NEK4: variants seen among roughly 807,000 people sequenced by gnomAD.
NEK4 encodes serine/threonine-protein kinase Nek4.
In NEK4, 86 loss-of-function variants were observed where a neutral mutation model predicts 98.4. The observed-to-expected ratio is 0.87, with a 90% CI of 0.73 to 1.05. The LOEUF is 1.05. NEK4 is among the 50% of genes least tolerant of loss of function. The pLI, the probability that NEK4 is intolerant of heterozygous loss-of-function variation, is 0.00. For synonymous variants in NEK4, 328 were observed against 342.2 expected (o/e 0.96, Z 0.46); for missense variants, 898 against 950.3 (o/e 0.94, Z 0.72).
At chr3:52,747,454 C>CAAAAAAAAAA (rs80245076) in intron 8 of NEK4, 2 of 68,902 alleles carry the variant, frequency 2.9e-5, no homozygotes, top group African/African-American at 5.5e-5. Flanking sequence ...GACTCCATCT[C>CAAAAAAAAAA]AAAAAAAAAA....
At chr3:52,766,451 T>A in intron 2 of NEK4, 76 bp from the exon 3 acceptor site, 1 of 1,046,322 alleles carries the variant, frequency 9.6e-7, no homozygotes, top group Non-Finnish European at 1.4e-6. Context: ...TTATATACCA[T>A]CAGCAATGGC....
intron 6 of NEK4, among the ~76,000 whole-genome samples, chr3:52,754,999 G>C (rs1376112352): frequency 6.6e-6 from 1 of 151,024 alleles, no homozygotes; most frequent in South Asian, 2.1e-4. Context: ...GCGTGAACCC[G>C]GGAGGCAGAG....
At chr3:52,732,859 A>G (rs1157810374) in intron 15 of NEK4, 1 of 231,686 alleles carries the variant, frequency 4.3e-6, no homozygotes, top group African/African-American at 2.3e-5. Flanking sequence ...GTACATTGGG[A>G]AGTAATACAG....
chr3:52,766,810 C>A (rs990860870), intron 2 of NEK4, among the ~76,000 whole-genome samples: 1 of 151,896 alleles, frequency 6.6e-6, no homozygotes, highest in African/African-American at 2.4e-5. Context: ...CAAGGTGAAA[C>A]CCCGTCTCTA....
intron 15 of NEK4, among the ~76,000 whole-genome samples, chr3:52,720,729 T>C (rs902231313): frequency 6.6e-6 from 1 of 152,204 alleles, no homozygotes; most frequent in African/African-American, 2.4e-5. Context: ...GCAGAGAATG[T>C]GTGGCTAGCA....
At chr3:52,738,362 C>G (rs189261578) in intron 14 of NEK4, among the ~76,000 whole-genome samples, 1 of 151,362 alleles carries the variant, frequency 6.6e-6, no homozygotes, top group African/African-American at 2.4e-5. Flanking sequence ...CTTGGCCTCC[C>G]AAAGCAATGA....
chr3:52,733,426 C>A (rs1328075078), intron 15 of NEK4: 2 of 381,964 alleles, frequency 5.2e-6, no homozygotes, highest in Non-Finnish European at 5.1e-6. Context: ...ATCTTGTAAT[C>A]CATTCTGGAG....
chr3:52,735,590 A>G (rs1001675605), intron 15 of NEK4, among the ~76,000 whole-genome samples: 1 of 152,192 alleles, frequency 6.6e-6, no homozygotes, highest in African/African-American at 2.4e-5. Flanking sequence ...TTTTGATCCA[A>G]TGTATGAGAT....
intron 15 of NEK4, among the ~76,000 whole-genome samples, chr3:52,721,818 A>C (rs1381672956): frequency 2.0e-5 from 3 of 152,078 alleles, no homozygotes; most frequent in Non-Finnish European, 4.4e-5. Context: ...GAAAACACAG[A>C]TTCAGACATG....
At position 52,759,067 on chromosome 3, in the gene NEK4, C is replaced by T. The variant is rs533643453; in HGVS notation, c.963+1728G>A. 1.0e-4 allele frequency among the ~76,000 whole-genome samples: 15 copies of T among 144,584 alleles called. No individual in the cohort carries two copies. The East Asian group carries it at 2.2e-3, about 22-fold the overall frequency. 94.9% of individuals were successfully genotyped at this position (144,584 alleles called of 152,430 possible). A position where few individuals can be genotyped will look rare whatever the true frequency, so the allele number is the denominator to read the frequency against. On this transcript the variant is annotated intron_variant, in intron 6 of 15. Transcript: ENST00000233027. ...GATGATGCCACTATACTCCAGCCTACGTAACAGAGCAAGATCCTCTCTTAA... is the reference window on the plus strand; with the variant it reads ...GATGATGCCACTATACTCCAGCCTATGTAACAGAGCAAGATCCTCTCTTAA...
At chr3:52,756,326 C>A (rs1384667171) in intron 6 of NEK4, among the ~76,000 whole-genome samples, 4 of 152,166 alleles carry the variant, frequency 2.6e-5, no homozygotes, top group Non-Finnish European at 4.4e-5. Context: ...ATGGAGGACT[C>A]ATGCCTCATG....
At position 52,743,414 on chromosome 3, in the gene NEK4, G is replaced by A. The variant is rs2097390077; in HGVS notation, c.1942C>T (p.Pro648Ser). ...GGCAAGGGCTGGTCTTCTTCCTGGG[G>A]TTTTCCTGGCCCTGCTACACTCAGA... ...ASLSVAGPGKPQEEDQPLPAR... is the reference protein window; with the variant it reads ...ASLSVAGPGKSQEEDQPLPAR... Residue 648 changes from proline (P) to serine (S), a missense_variant, in exon 12 of 16, where the codon CCC becomes TCC. Coordinates refer to ENST00000233027, the MANE Select transcript of NEK4 (RefSeq NM_003157.6). The A allele has an allele frequency of 2.5e-6, 4 of 1,614,018 alleles. No homozygotes were observed. Among genetic ancestry groups the A allele is most frequent in the Non-Finnish European group, 3.4e-6 (4 of 1,180,040 alleles).
At chr3:52,755,829 C>T (rs924823015) in intron 6 of NEK4, among the ~76,000 whole-genome samples, 80 of 152,218 alleles carry the variant, frequency 5.3e-4, no homozygotes, top group African/African-American at 1.2e-3. Context: ...AACTAATAAA[C>T]GAACTGAGCA....
In NEK4 at chr3:52,766,246, T is replaced by C. The variant is rs147067004; in HGVS notation, c.490A>G (p.Ser164Gly). ...TAGTAGGGTGTGCCAATGAGGGTGC[T>C]AGCCATGTCACAGTGGTTCTCTAAC... is the stretch of plus-strand genomic sequence containing the variant. ...RVLENHCDMA[S>G]TLIGTPYYMS... Residue 164 changes from serine to glycine, a missense_variant, in exon 3 of 16, where the codon AGC becomes GGC. Transcript: ENST00000233027. 18 of 1,614,030 alleles carry C rather than the reference T, an allele frequency of 1.1e-5. No homozygotes were observed. In the African/African-American group the frequency reaches 2.1e-4, roughly 19 times the overall value.
intron 15 of NEK4, among the ~76,000 whole-genome samples, chr3:52,729,744 CAAAAAAA>C (rs563723629): frequency 3.2e-5 from 3 of 93,450 alleles, no homozygotes; most frequent in Non-Finnish European, 7.2e-5. Flanking sequence ...CTTGACTAGC[CAAAAAAA>C]AAAAAAAGAC....
chr3:52,759,190 T>G (rs763660383), intron 6 of NEK4, among the ~76,000 whole-genome samples: 2 of 150,648 alleles, frequency 1.3e-5, no homozygotes, highest in African/African-American at 2.4e-5. Context: ...GAGGACCTCC[T>G]GAGCCCAGGA....
chr3:52,762,436 A>C (rs1180075776), intron 5 of NEK4, among the ~76,000 whole-genome samples: 1 of 152,106 alleles, frequency 6.6e-6, no homozygotes, highest in Non-Finnish European at 1.5e-5. Flanking sequence ...AGAGTAGTGC[A>C]TATGTCCTTT....
chr3:52,747,784 T>TA (rs71087012), intron 8 of NEK4, among the ~76,000 whole-genome samples: 15,459 of 137,840 alleles, frequency 0.11, 2,167 homozygotes, highest in African/African-American at 0.34. Context: ...CATCTCCATT[T>TA]AAAAAAAAAA....
intron 6 of NEK4, among the ~76,000 whole-genome samples, chr3:52,756,001 T>C (rs1039421267): frequency 6.6e-6 from 1 of 152,150 alleles, no homozygotes; most frequent in East Asian, 1.9e-4. Context: ...AGGACTTACA[T>C]AGTGAAATCT....
Sources: allele counts gnomAD v4.1 joint callset (sites outside exome capture counted in the v4.1 genomes callset), GRCh38; gene constraint gnomAD v4.1.1; transcripts MANE v1.5; gene names NCBI Gene and HGNC (gene_info 2026-07-23, HGNC 2026-07-21).